The following DIAPH2 variants were observed in gnomAD, a reference collection of about 807,000 sequenced individuals.
The protein encoded by DIAPH2 is protein diaphanous homolog 2.
In DIAPH2, 35 loss-of-function variants were observed where a neutral mutation model predicts 92.7. That is an observed-to-expected ratio of 0.38 (90% CI 0.29 to 0.50). The LOEUF (loss-of-function observed/expected upper bound fraction) is 0.50. Among genes scored for constraint, DIAPH2 ranks in the 20% least tolerant of loss-of-function variants. DIAPH2 has a pLI of 0.94. For synonymous variants in DIAPH2, 301 were observed against 280.4 expected, an observed-to-expected ratio of 1.07 and a Z score of -0.73; for missense variants, 701 against 819.5, an observed-to-expected ratio of 0.86 and a Z score of 1.77.
intron 26 of DIAPH2, among the ~76,000 whole-genome samples, chrX:97,534,138 A>C (rs1186098003): frequency 2.7e-5 from 3 of 111,750 alleles, no homozygotes; most frequent in Non-Finnish European, 5.7e-5. Context: ...AAATGGAAGA[A>C]TTCTATAGTT....
intron 5 of DIAPH2, among the ~76,000 whole-genome samples, chrX:96,907,666 G>T (rs2065442103): frequency 8.9e-6 from 1 of 111,938 alleles, no homozygotes; most frequent in Non-Finnish European, 1.9e-5. Flanking sequence ...AGGATTTGGG[G>T]CAATTAGAAC....
intron 23 of DIAPH2, among the ~76,000 whole-genome samples, chrX:97,291,583 A>T (rs1414709226): frequency 9.3e-6 from 1 of 107,901 alleles, no homozygotes; most frequent in Non-Finnish European, 1.9e-5. Context: ...GCCAGGCTGG[A>T]GTGCAGTGGC....
intron 4 of DIAPH2, among the ~76,000 whole-genome samples, chrX:96,828,206 A>G (rs772348688): frequency 7.0e-4 from 79 of 112,123 alleles, no homozygotes; most frequent in Middle Eastern, 4.6e-3. Context: ...GTGTATATGG[A>G]CCCAGTAAGG....
intron 22 of DIAPH2, among the ~76,000 whole-genome samples, chrX:97,197,548 C>A (rs938378978): frequency 8.9e-6 from 1 of 111,886 alleles, no homozygotes; most frequent in African/African-American, 3.2e-5. Flanking sequence ...ATCTAACAAT[C>A]GATCACATAT....
At chrX:96,770,843 C>A (rs2064334194) in intron 4 of DIAPH2, among the ~76,000 whole-genome samples, 1 of 111,674 alleles carries the variant, frequency 9.0e-6, no homozygotes, top group Admixed American at 9.5e-5. Flanking sequence ...ATTAAAGTAC[C>A]AATTTCAGTC....
intron 5 of DIAPH2, among the ~76,000 whole-genome samples, chrX:96,904,529 T>TA (rs1310535062): frequency 2.7e-5 from 3 of 111,798 alleles, no homozygotes; most frequent in South Asian, 3.7e-4. Context: ...TGTTTATATA[T>TA]TTTTTAGTGG....
chrX:97,038,499 AC>A (rs781068004), intron 17 of DIAPH2, among the ~76,000 whole-genome samples: 1 of 106,981 alleles, frequency 9.3e-6, no homozygotes, highest in Admixed American at 1.0e-4. Flanking sequence ...TTCCCTTTGT[AC>A]CACATCCATG....
chrX:97,054,423 T>C (rs2066541694), intron 17 of DIAPH2, among the ~76,000 whole-genome samples: 1 of 111,421 alleles, frequency 9.0e-6, no homozygotes, highest in South Asian at 3.8e-4. Context: ...TCTAAACTAA[T>C]GATAGTGCAG....
chrX:97,222,839 G>A (rs1569333823), intron 22 of DIAPH2, among the ~76,000 whole-genome samples: 1 of 110,797 alleles, frequency 9.0e-6, no homozygotes, highest in East Asian at 2.8e-4. Context: ...TATTTGTTTT[G>A]GGGATGGGAT....
intron 3 of DIAPH2, among the ~76,000 whole-genome samples, chrX:96,749,128 G>GA (rs759288156): frequency 0.012 from 643 of 55,452 alleles, 5 homozygotes; most frequent in African/African-American, 0.015. Flanking sequence ...TACCCCATCA[G>GA]AAAAAAAAAA....
rs112649639 is a variant in DIAPH2, at chrX:97,107,096, G to T, written c.2349+7301G>T. Among the ~76,000 whole-genome samples the T allele has an allele frequency of 7.2e-3, 813 of 112,313 alleles. 12 individuals are homozygous for T. Among genetic ancestry groups the T allele is most frequent in the African/African-American group, 0.025 (778 of 30,951 alleles). Reference sequence around the variant, plus strand: ...GTTCTAGACTAAAGACAAGTGAATGGTTGTTGATGGGTAGTTTCCACATAT... The same window carrying T: ...GTTCTAGACTAAAGACAAGTGAATGTTTGTTGATGGGTAGTTTCCACATAT... On this transcript the variant is annotated intron_variant, in intron 20 of 26. Coordinates refer to ENST00000324765, the MANE Select transcript of DIAPH2 (RefSeq NM_006729.5).
intron 17 of DIAPH2, among the ~76,000 whole-genome samples, chrX:97,001,372 C>T (rs1167502684): frequency 8.9e-6 from 1 of 111,944 alleles, no homozygotes; most frequent in African/African-American, 3.2e-5. Flanking sequence ...AGTCCAGGTG[C>T]GGTGGCTCAC....
At chrX:97,487,432 G>A (rs2070696645) in intron 26 of DIAPH2, among the ~76,000 whole-genome samples, 1 of 110,835 alleles carries the variant, frequency 9.0e-6, no homozygotes, top group South Asian at 3.9e-4. Flanking sequence ...GTGCCACCAC[G>A]CCCGGCTCAT....
At chrX:96,904,859 A>C (rs897701528) in intron 5 of DIAPH2, among the ~76,000 whole-genome samples, 1 of 111,631 alleles carries the variant, frequency 9.0e-6, no homozygotes, top group Non-Finnish European at 1.9e-5. Flanking sequence ...ATAACATTTA[A>C]AGTCTCCTCA....
chrX:96,951,577 C>T (rs916707614), intron 15 of DIAPH2, among the ~76,000 whole-genome samples: 19 of 111,697 alleles, frequency 1.7e-4, no homozygotes, highest in Admixed American at 7.7e-4. Context: ...TTCCTCCTAC[C>T]TTAGCCTCCC....
At chrX:96,764,694 T>A (rs186778985) in intron 4 of DIAPH2, among the ~76,000 whole-genome samples, 122 of 111,655 alleles carry the variant, frequency 1.1e-3, no homozygotes, top group African/African-American at 3.8e-3. Flanking sequence ...TTTGCATTTT[T>A]ATCTAGCACC....
intron 3 of DIAPH2, among the ~76,000 whole-genome samples, chrX:96,749,710 T>G (rs2064175222): frequency 8.9e-6 from 1 of 111,948 alleles, no homozygotes; most frequent in Non-Finnish European, 1.9e-5. Context: ...TGGACTTTAA[T>G]AAATGGGTCT....
intron 25 of DIAPH2, among the ~76,000 whole-genome samples, chrX:97,409,351 TAATTTAGACCTGAA>T (rs2069843371): frequency 8.9e-6 from 1 of 111,911 alleles, no homozygotes; most frequent in African/African-American, 3.2e-5. Context: ...GGGTAGCTGA[TAATTTAGACCTGAA>T]ATGGGACTGA....
chrX:97,272,425 TAAAAG>T (rs1188417016), intron 23 of DIAPH2, among the ~76,000 whole-genome samples: 14 of 111,962 alleles, frequency 1.3e-4, no homozygotes, highest in African/African-American at 3.9e-4. Flanking sequence ...AACTTTAATG[TAAAAG>T]AAAAGAAAAG....
Sources: allele counts gnomAD v4.1 joint callset (sites outside exome capture counted in the v4.1 genomes callset), GRCh38; gene constraint gnomAD v4.1.1; transcripts MANE v1.5; gene names NCBI Gene and HGNC (gene_info 2026-07-23, HGNC 2026-07-21).